The following ASXL2 variants were observed in gnomAD, a reference collection of about 807,000 sequenced individuals.
ASXL2 encodes ASXL transcriptional regulator 2.
ASXL2 carries 23 observed loss-of-function variants against 122.0 expected under a neutral mutation model. That is an observed-to-expected ratio of 0.19 (90% CI 0.14 to 0.27). The LOEUF (loss-of-function observed/expected upper bound fraction) is 0.27. Among genes scored for constraint, ASXL2 ranks in the 10% least tolerant of loss-of-function variants. The pLI, the probability that ASXL2 is intolerant of heterozygous loss-of-function variation, is 1.00. For synonymous variants in ASXL2, 650 were observed against 637.0 expected (o/e 1.02, Z -0.31); for missense variants, 1,518 against 1,713.8 (o/e 0.89, Z 2.02).
chr2:25,749,065 G>GGTAAA (rs10700323), intron 12 of ASXL2, among the ~76,000 whole-genome samples: 42,071 of 151,918 alleles, frequency 0.28, 6,080 homozygotes, highest in African/African-American at 0.32. Flanking sequence ...GCAAGAAAAG[G>GGTAAA]GTAAACTCAA....
chr2:25,784,190 G>A (rs997242772), intron 5 of ASXL2, among the ~76,000 whole-genome samples: 1 of 151,940 alleles, frequency 6.6e-6, no homozygotes, highest in African/African-American at 2.4e-5. Flanking sequence ...AGTTGAGACT[G>A]CACTTGAGTT....
chr2:25,817,503 G>A (rs1026805653), intron 3 of ASXL2, among the ~76,000 whole-genome samples: 1 of 152,010 alleles, frequency 6.6e-6, no homozygotes, highest in Non-Finnish European at 1.5e-5. Context: ...AAGTTTTTCA[G>A]GATATGTTCT....
Position 25,742,462 on chromosome 2 carries a change from G to GTAGAACTGAAAAGCTCGGGGCTGC in ASXL2, c.3851_3874dup (p.Ser1284_Ser1291dup). 6.2e-7 allele frequency: 1 copy of GTAGAACTGAAAAGCTCGGGGCTGC among 1,612,984 alleles called. No homozygotes were observed. Among genetic ancestry groups the GTAGAACTGAAAAGCTCGGGGCTGC allele is most frequent in the South Asian group, 1.1e-5 (1 of 90,856 alleles). On this transcript the variant is annotated inframe_insertion, in exon 13 of 13. Coordinates refer to ENST00000435504, the MANE Select transcript of ASXL2 (RefSeq NM_018263.6). ...GCTGTCTGCAGGCAGAGGAAGAACAGTAGAACTGAAAAGCTCGGGGCTGCT... is the reference window on the plus strand; with the variant it reads ...GCTGTCTGCAGGCAGAGGAAGAACAGTAGAACTGAAAAGCTCGGGGCTGCTAGAACTGAAAAGCTCGGGGCTGCT...
intron 3 of ASXL2, among the ~76,000 whole-genome samples, chr2:25,829,760 A>G (rs898783904): frequency 1.4e-4 from 22 of 152,224 alleles, no homozygotes; most frequent in African/African-American, 5.3e-4. Context: ...AAGTCTCAAA[A>G]ATAAAGACTA....
At chr2:25,804,855 G>A (rs1170472140) in intron 4 of ASXL2, among the ~76,000 whole-genome samples, 1 of 152,140 alleles carries the variant, frequency 6.6e-6, no homozygotes, top group Non-Finnish European at 1.5e-5. Flanking sequence ...TTTGAGACCA[G>A]CCTGGCCAAT....
At chr2:25,826,147 T>A (rs2089372055) in intron 3 of ASXL2, among the ~76,000 whole-genome samples, 1 of 152,252 alleles carries the variant, frequency 6.6e-6, no homozygotes, top group South Asian at 2.1e-4. Flanking sequence ...ACCTTTATGA[T>A]GGAAATCAGT....
chr2:25,859,916 C>T (rs988995304), intron 1 of ASXL2, among the ~76,000 whole-genome samples: 7 of 151,962 alleles, frequency 4.6e-5, no homozygotes, highest in Non-Finnish European at 8.8e-5. Flanking sequence ...CCGGGCACAG[C>T]GGCTCACCTC....
At chr2:25,750,711 A>C (rs2088029614) in intron 11 of ASXL2, among the ~76,000 whole-genome samples, 1 of 152,236 alleles carries the variant, frequency 6.6e-6, no homozygotes, top group East Asian at 1.9e-4. Context: ...TATGATAATT[A>C]AGTTAATCCA....
intron 5 of ASXL2, among the ~76,000 whole-genome samples, chr2:25,797,262 T>C (rs1485322225): frequency 6.6e-6 from 1 of 151,766 alleles, no homozygotes; most frequent in Non-Finnish European, 1.5e-5. Flanking sequence ...CTGGCCAACA[T>C]GGTGAAACCC....
intron 10 of ASXL2, among the ~76,000 whole-genome samples, chr2:25,754,063 T>C (rs1013103374): frequency 5.3e-5 from 8 of 152,222 alleles, no homozygotes; most frequent in African/African-American, 1.7e-4. Context: ...CAAGTTAATT[T>C]TAGGCTTTTT....
chr2:25,857,656 T>C (rs1398227650), intron 1 of ASXL2, among the ~76,000 whole-genome samples: 1 of 152,182 alleles, frequency 6.6e-6, no homozygotes, highest in Non-Finnish European at 1.5e-5. Context: ...AAATGTCAAC[T>C]TCTCAGTGAA....
chr2:25,830,731 T>C (rs1042119285), intron 3 of ASXL2: 1 of 151,080 alleles, frequency 6.6e-6, no homozygotes, highest in Admixed American at 6.6e-5. Context: ...ATAGAAAATA[T>C]CAGCAAAGAC....
At chr2:25,804,310 G>C (rs935141679) in intron 4 of ASXL2, among the ~76,000 whole-genome samples, 1 of 152,170 alleles carries the variant, frequency 6.6e-6, no homozygotes, top group East Asian at 1.9e-4. Flanking sequence ...TTTCCTTTGG[G>C]GAAAACTCTC....
chr2:25,825,778 G>A (rs1559521777), intron 3 of ASXL2, among the ~76,000 whole-genome samples: 1 of 152,190 alleles, frequency 6.6e-6, no homozygotes, highest in East Asian at 1.9e-4. Flanking sequence ...TTAAGTCTCT[G>A]CTTTCGATTC....
Position 25,750,233 on chromosome 2 carries a change from T to C in ASXL2, c.1323A>G (p.Pro441=). ...GGCTTTCACACTCTTCTTTTCTGCC[T>C]GGTGATGACATTTGCAATGCTTCTT... The part of the protein sequence containing the change: ...CKEEALQMSS[P]GRKEECESQG... Residue 441 remains proline, a synonymous_variant, in exon 12 of 13, where the codon CCA becomes CCG. Coordinates refer to ENST00000435504, the MANE Select transcript of ASXL2 (RefSeq NM_018263.6). 1 of 1,614,014 alleles carries C rather than the reference T, an allele frequency of 6.2e-7. No homozygotes were observed. The highest frequency in any genetic ancestry group is 8.5e-7 in the Non-Finnish European group (1 of 1,179,884).
At chr2:25,786,449 C>T (rs527627038) in intron 5 of ASXL2, among the ~76,000 whole-genome samples, 67 of 152,036 alleles carry the variant, frequency 4.4e-4, no homozygotes, top group African/African-American at 1.6e-3. Context: ...CCGTGTTAGC[C>T]AGGATGGTCT....
At chr2:25,749,275 G>C (rs1219008421) in intron 12 of ASXL2, among the ~76,000 whole-genome samples, 1 of 152,178 alleles carries the variant, frequency 6.6e-6, no homozygotes, top group African/African-American at 2.4e-5. Context: ...TGCAATATCT[G>C]CGTGAACCCT....
At chr2:25,856,503 A>T (rs1408278480) in intron 1 of ASXL2, 1 of 1,090,514 alleles carries the variant, frequency 9.2e-7, no homozygotes, top group Non-Finnish European at 1.4e-6. Flanking sequence ...CAGCAAAGAC[A>T]GCCTTGTCCC....
intron 3 of ASXL2, chr2:25,810,250 A>T (rs2089147925): frequency 4.8e-6 from 3 of 622,256 alleles, no homozygotes; most frequent in Non-Finnish European, 9.1e-6. Context: ...GTGAGTTCCA[A>T]GTCTCTTTCA....
Sources: gnomAD v4.1 joint callset for allele counts (sites outside exome capture counted in the v4.1 genomes callset) on GRCh38, gnomAD v4.1.1 for gene constraint, MANE v1.5 for transcripts, NCBI Gene and HGNC (gene_info 2026-07-23, HGNC 2026-07-21) for gene names.